ABHD4: variants seen among roughly 807,000 people sequenced by gnomAD.
ABHD4 encodes abhydrolase domain containing 4, N-acyl phospholipase B, also known as (Lyso)-N-acylphosphatidylethanolamine lipase.
ABHD4 carries 35 observed loss-of-function variants against 42.3 expected under a neutral mutation model. The observed-to-expected ratio is 0.83, with a 90% CI of 0.63 to 1.10. The LOEUF is 1.10. ABHD4 is among the 50% of genes least tolerant of loss of function. The probability of loss-of-function intolerance (pLI) is 0.00; values close to 1 mark genes in which losing one functional copy is unlikely to be tolerated. For synonymous variants in ABHD4, 169 were observed against 170.6 expected (o/e 0.99, Z 0.07); for missense variants, 389 against 454.8 (o/e 0.86, Z 1.32).
At position 22,603,548 on chromosome 14, in the gene ABHD4, C is replaced by T; in HGVS notation, c.271C>T (p.Leu91=). 6.2e-7 allele frequency: 1 copy of T among 1,614,174 alleles called. No individual in the cohort carries two copies. The highest frequency in any genetic ancestry group is 8.5e-7 in the Non-Finnish European group (1 of 1,180,026). ...VGLWILNMDS[L]SARRTLHTFD... ...TCTCTGGATCCTCAACATGGACTCA[C>T]TGAGTGCCCGCCGCACACTGCACAC... Residue 91 remains leucine (L), a synonymous_variant, in exon 3 of 7, where the codon CTG becomes TTG. Transcript: ENST00000428304.
chr14:22,603,501 A>T lies in ABHD4; in HGVS notation c.224A>T (p.His75Leu). The change falls in exon 3 of 7, where the codon CAT becomes CTT. Residue 75 changes from histidine (H) to leucine (L), a missense_variant. By Grantham distance (99) the His-to-Leu change is moderately conservative. Around this residue, in one of 3 missense-constraint regions of ABHD4, gnomAD observed 102 missense variants for 128.3 expected, o/e 0.80. Coordinates refer to ENST00000428304, the MANE Select transcript of ABHD4 (RefSeq NM_022060.3). ...GACCGCACCCCCTTGGTGATGGTGC[A>T]TGGTTTTGGGGGCGGCGTGGGTCTC... is the stretch of plus-strand genomic sequence containing the variant. Reference protein sequence around the residue: ...QNDRTPLVMVHGFGGGVGLWI... With the variant: ...QNDRTPLVMVLGFGGGVGLWI... 6.2e-7 allele frequency: 1 copy of T among 1,614,146 alleles called. No homozygotes were observed. Among genetic ancestry groups the T allele is most frequent in the Non-Finnish European group, 8.5e-7 (1 of 1,180,014 alleles).
intron 2 of ABHD4, among the ~76,000 whole-genome samples, chr14:22,602,653 G>A (rs1160180595): frequency 6.6e-6 from 1 of 152,194 alleles, no homozygotes; most frequent in Non-Finnish European, 1.5e-5. Context: ...AGCTCTGTGG[G>A]GTTGGTGGTG....
At chr14:22,610,693 T>C (rs570760360) in intron 6 of ABHD4, among the ~76,000 whole-genome samples, 166 bp from the exon 7 acceptor site, 4 of 152,268 alleles carry the variant, frequency 2.6e-5, no homozygotes, top group Admixed American at 1.3e-4. Context: ...AAGCATTGGC[T>C]GTCAAAGGAA....
At chr14:22,603,885 G>T in intron 3 of ABHD4, 40 bp from the exon 4 acceptor site, 1 of 1,609,032 alleles carries the variant, frequency 6.2e-7, no homozygotes, top group Non-Finnish European at 8.5e-7. Context: ...AACTACCAGA[G>T]AATATAATGT....
At chr14:22,600,832 GT>G (rs1181544325) in intron 1 of ABHD4, among the ~76,000 whole-genome samples, 14 of 14,096 alleles carry the variant, frequency 9.9e-4, no homozygotes, top group East Asian at 3.3e-3. Flanking sequence ...CAGCAGGGGG[GT>G]GTGTGTGTGT....
Position 22,609,762 on chromosome 14 carries a change from G to C in ABHD4, c.791G>C (p.Gly264Ala). The change falls in exon 6 of 7, where the codon GGC becomes GCC. Residue 264 changes from glycine (G) to alanine (A), a missense_variant. Around this residue, in one of 3 missense-constraint regions of ABHD4, gnomAD observed 249 missense variants for 254.4 expected, o/e 0.98. Transcript: ENST00000428304. ...TTCAAAGCCATGATGGAGTCCTTTG[G>C]CTGGGCCCGGCGCCCTATGCTGGAG... is the stretch of plus-strand genomic sequence containing the variant. ...TAFKAMMESF[G>A]WARRPMLERI... is the part of the protein sequence containing the mutation. 1 of 1,614,098 alleles carries C rather than the reference G, an allele frequency of 6.2e-7. No homozygotes were observed. Among genetic ancestry groups the C allele is most frequent in the Middle Eastern group, 1.7e-4 (1 of 6,028 alleles).
intron 2 of ABHD4, 87 bp from the exon 3 acceptor site, chr14:22,603,303 G>A: frequency 1.3e-6 from 2 of 1,535,180 alleles, no homozygotes; most frequent in Admixed American, 1.7e-5. Context: ...CGGGAATGGA[G>A]AGAATGTGAA....
At chr14:22,610,810 G>A in intron 6 of ABHD4, 49 bp from the exon 7 acceptor site, 1 of 1,477,896 alleles carries the variant, frequency 6.8e-7, no homozygotes. Flanking sequence ...AGGCTTCCCA[G>A]CACCAGGAAT....
chr14:22,598,817 A>C, intron 1 of ABHD4: 1 of 223,040 alleles, frequency 4.5e-6, no homozygotes. Context: ...GTGTGGAACA[A>C]CGGGCTTGCA....
chr14:22,600,628 T>C (rs1439944421), intron 1 of ABHD4, among the ~76,000 whole-genome samples: 6 of 152,226 alleles, frequency 3.9e-5, no homozygotes, highest in Non-Finnish European at 8.8e-5. Context: ...ATCTGTCCTG[T>C]AACTCAGGCA....
chr14:22,606,949 G>A (rs891140875), intron 5 of ABHD4, among the ~76,000 whole-genome samples: 3 of 151,894 alleles, frequency 2.0e-5, no homozygotes, highest in South Asian at 4.2e-4. Context: ...CTCCTGTCCC[G>A]GGCCTGTAGT....
At chr14:22,600,829 GGGGTGTGTGTGTGTGTGTGTGT>G (rs1298434394) in intron 1 of ABHD4, among the ~76,000 whole-genome samples, 18 of 125,222 alleles carry the variant, frequency 1.4e-4, no homozygotes, top group South Asian at 5.4e-4. Context: ...GTCCAGCAGG[GGGGTGTGTGTGTGTGTGTGTGT>G]GTGTGTGTGT....
chr14:22,605,943 A>G, intron 4 of ABHD4: 1 of 779,304 alleles, frequency 1.3e-6, no homozygotes, highest in Non-Finnish European at 1.9e-6. Context: ...GATTGTGTTT[A>G]GTTCACCTCT....
In ABHD4 at chr14:22,603,664, G is replaced by A. The variant is rs749254490; in HGVS notation, c.387G>A (p.Glu129=). 8 of 1,613,830 alleles carry A rather than the reference G, an allele frequency of 5.0e-6. No homozygotes were observed. Among genetic ancestry groups the A allele is most frequent in the African/African-American group, 1.3e-5 (1 of 74,910 alleles). The part of the protein sequence containing the change: ...GAEDEFVTSI[E]TWRETMGIPS... Reference sequence around the variant, plus strand: ...AGGATGAGTTTGTGACATCGATAGAGACATGGCGGGAGACCATGGGGATCC... The same window carrying A: ...AGGATGAGTTTGTGACATCGATAGAAACATGGCGGGAGACCATGGGGATCC... The change falls in exon 3 of 7, where the codon GAG becomes GAA. Residue 129 remains glutamate (E), a synonymous_variant. Transcript: ENST00000428304.
rs1243186430 is a variant in ABHD4, at chr14:22,604,053, C to T, written c.614C>T (p.Ala205Val). 7 of 1,614,092 alleles carry T rather than the reference C, an allele frequency of 4.3e-6. No homozygotes were observed. The highest frequency in any genetic ancestry group is 2.2e-5 in the East Asian group (1 of 44,892). ...GTCCTAGGACGTTCCAATCCATTGG[C>T]TGTTCTTCGAGTAGCTGGGCCCTGG... is the stretch of plus-strand genomic sequence containing the variant. ...ASVLGRSNPLAVLRVAGPWGP... is the reference protein window; with the variant it reads ...ASVLGRSNPLVVLRVAGPWGP... The change falls in exon 4 of 7, where the codon GCT becomes GTT. Residue 205 changes from alanine (A) to valine (V), a missense_variant. Transcript: ENST00000428304.
intron 6 of ABHD4, among the ~76,000 whole-genome samples, 184 bp from the exon 7 acceptor site, chr14:22,610,675 G>GA (rs2037404165): frequency 6.6e-6 from 1 of 152,236 alleles, no homozygotes; most frequent in Admixed American, 6.5e-5. Flanking sequence ...CAAGTAAGTA[G>GA]AATGGGAAAG....
intron 1 of ABHD4, 125 bp from the exon 2 acceptor site, chr14:22,601,542 G>A: frequency 1.2e-6 from 1 of 800,052 alleles, no homozygotes; most frequent in South Asian, 1.6e-5. Flanking sequence ...GCCATGGGGG[G>A]CAGGTCTCTC....
At position 22,603,452 on chromosome 14, in the gene ABHD4, G is replaced by A; in HGVS notation, c.175G>A (p.Val59Met). ...CCCAAACCAGAATAAGATCTGGACG[G>A]TGACTGTGAGCCCCGAGCAAAACGA... ...SLPNQNKIWT[V>M]TVSPEQNDRT... Residue 59 changes from valine to methionine, a missense_variant, in exon 3 of 7, where the codon GTG becomes ATG. Physicochemically the swap from Val to Met is conservative, Grantham distance 21. Transcript: ENST00000428304. 1 of 1,614,200 alleles carries A rather than the reference G, an allele frequency of 6.2e-7. No homozygotes were observed. Among genetic ancestry groups the A allele is most frequent in the Non-Finnish European group, 8.5e-7 (1 of 1,180,036 alleles).
rs895002879 is a variant in ABHD4 at position 22,604,263 on chromosome 14, T to C, written c.640+184T>C. 6.8e-6 allele frequency: 5 copies of C among 731,436 alleles called. No individual in the cohort carries two copies. The African/African-American group carries it at 8.9e-5, about 13-fold the overall frequency. The allele number at this position is 731,436 out of a possible 1,614,324, so 45.3% of individuals were successfully genotyped here. ...TTTTTGTTTTTTTGTTTTGTTTTGT[T>C]TTTTTGAGACAAAGTCTCGCTCTGT... On this transcript the variant is annotated intron_variant, in intron 4 of 6. Transcript: ENST00000428304.
Sources: allele counts gnomAD v4.1 joint callset (sites outside exome capture counted in the v4.1 genomes callset), GRCh38; gene constraint gnomAD v4.1.1; regional missense constraint gnomAD v4.1.1; transcripts MANE v1.5; gene names NCBI Gene and HGNC (gene_info 2026-07-23, HGNC 2026-07-21).